Variants in SHCBP1L observed in about 807,000 individuals in gnomAD.
SHCBP1L encodes testicular spindle-associated protein SHCBP1L.
In SHCBP1L, 67 loss-of-function variants were observed where a neutral mutation model predicts 62.5. The observed-to-expected ratio is 1.07, with a 90% CI of 0.88 to 1.31. The LOEUF (loss-of-function observed/expected upper bound fraction) is 1.31, where lower values mean the gene tolerates loss of function less well. SHCBP1L is among the 40% of genes most tolerant of loss of function. SHCBP1L has a pLI of 0.00. For synonymous variants in SHCBP1L, 284 were observed against 289.4 expected, an observed-to-expected ratio of 0.98 and a Z score of 0.19; for missense variants, 823 against 809.8, an observed-to-expected ratio of 1.02 and a Z score of -0.20.
chr1:182,943,275 A>ATTTT (rs767553592), intron 2 of SHCBP1L, among the ~76,000 whole-genome samples: 1 of 79,092 alleles, frequency 1.3e-5, no homozygotes, highest in African/African-American at 5.0e-5. Context: ...ACCATTCTTG[A>ATTTT]TTTTTTTTTT....
At chr1:182,900,666 C>T (rs982961004) in intron 9 of SHCBP1L, among the ~76,000 whole-genome samples, 30 of 152,124 alleles carry the variant, frequency 2.0e-4, no homozygotes, top group African/African-American at 7.0e-4. Context: ...CTCCTGACCT[C>T]GTGATCCACC....
intron 9 of SHCBP1L, among the ~76,000 whole-genome samples, chr1:182,900,679 C>G (rs1649805852): frequency 6.6e-6 from 1 of 152,186 alleles, no homozygotes; most frequent in Admixed American, 6.5e-5. Context: ...GATCCACCCG[C>G]CTTGGCTTCC....
intron 6 of SHCBP1L, among the ~76,000 whole-genome samples, chr1:182,910,157 A>G (rs1443816556): frequency 6.6e-6 from 1 of 152,224 alleles, no homozygotes; most frequent in East Asian, 1.9e-4. Context: ...ACTGAAGCAA[A>G]CATTAAGTTG....
At chr1:182,944,153 T>TAAATAAATAAATAAATAAATAAATAAAA (rs1211471779) in intron 2 of SHCBP1L, among the ~76,000 whole-genome samples, 24 of 147,742 alleles carry the variant, frequency 1.6e-4, no homozygotes, top group African/African-American at 6.0e-4. Context: ...AATAAATAAA[T>TAAATAAATAAATAAATAAATAAATAAAA]AAAAGAGGCC....
chr1:182,943,817 T>G (rs1651458646), intron 2 of SHCBP1L, among the ~76,000 whole-genome samples: 1 of 151,528 alleles, frequency 6.6e-6, no homozygotes, highest in Admixed American at 6.6e-5. Context: ...GTACCAGGTT[T>G]GTTATGAAAA....
chr1:182,921,239 G>A (rs934989721), intron 6 of SHCBP1L, among the ~76,000 whole-genome samples: 1 of 152,122 alleles, frequency 6.6e-6, no homozygotes, highest in African/African-American at 2.4e-5. Flanking sequence ...TTAAAGAAAA[G>A]AAACTCCAAC....
At chr1:182,933,424 G>GA (rs1187530143) in intron 5 of SHCBP1L, among the ~76,000 whole-genome samples, 2 of 152,224 alleles carry the variant, frequency 1.3e-5, no homozygotes, top group East Asian at 3.9e-4. Flanking sequence ...ATTGTAGGGG[G>GA]AAAAACATCT....
chr1:182,924,958 G>GAAAGAAAGAAAGA (rs1650682335), intron 6 of SHCBP1L, among the ~76,000 whole-genome samples: 3 of 111,988 alleles, frequency 2.7e-5, no homozygotes, highest in Non-Finnish European at 5.2e-5. Context: ...AAGAAAGAAA[G>GAAAGAAAGAAAGA]AAAGAAAGAA....
At chr1:182,951,786 A>G (rs1289507143) in intron 1 of SHCBP1L, 2 of 220,082 alleles carry the variant, frequency 9.1e-6, no homozygotes, top group Non-Finnish European at 1.8e-5. Context: ...TTCTTCTGCT[A>G]CAACTTAAAA....
intron 5 of SHCBP1L, 140 bp downstream of exon 5, chr1:182,939,036 G>T (rs1651266936): frequency 1.6e-6 from 1 of 632,494 alleles, no homozygotes; most frequent in Non-Finnish European, 2.6e-6. Flanking sequence ...ACTGATAGTT[G>T]TACCTTGTGC....
At chr1:182,910,578 A>G (rs981296852) in intron 6 of SHCBP1L, among the ~76,000 whole-genome samples, 2 of 152,170 alleles carry the variant, frequency 1.3e-5, no homozygotes, top group African/African-American at 4.8e-5. Context: ...TCCTCAGACG[A>G]GGGGCTGAAG....
chr1:182,932,618 C>T (rs937184877), intron 5 of SHCBP1L, among the ~76,000 whole-genome samples: 8 of 152,088 alleles, frequency 5.3e-5, no homozygotes, highest in African/African-American at 1.7e-4. Flanking sequence ...CCTCAGCCTC[C>T]CAAGTAGCTG....
chr1:182,900,054 G>A lies in SHCBP1L; in HGVS notation c.1891C>T (p.Leu631=). The A allele has an allele frequency of 6.2e-7, 1 of 1,613,142 alleles. No homozygotes were observed. The highest frequency in any genetic ancestry group is 8.5e-7 in the Non-Finnish European group (1 of 1,179,504). The part of the protein sequence containing the change: ...DKMLFKVMQN[L]NLEMNNNKIE... ...TTATTATTATTCATTTCCAGATTCA[G>A]ATTTTGCATTACTTTGAAGAGCATT... The change falls in exon 10 of 10, where the codon CTG becomes TTG. Residue 631 remains leucine (L), a synonymous_variant. Coordinates refer to ENST00000367547, the MANE Select transcript of SHCBP1L (RefSeq NM_030933.4).
At chr1:182,931,376 T>A (rs1414526833) in intron 5 of SHCBP1L, among the ~76,000 whole-genome samples, 1 of 152,196 alleles carries the variant, frequency 6.6e-6, no homozygotes, top group Non-Finnish European at 1.5e-5. Context: ...AGGTGTTTTT[T>A]AATCAGGTTT....
chr1:182,944,419 A>G (rs988588925), intron 2 of SHCBP1L: 3 of 151,846 alleles, frequency 2.0e-5, no homozygotes, highest in African/African-American at 7.3e-5. Context: ...CCAAGCACTA[A>G]CCAGGCCCGA....
In SHCBP1L at chr1:182,916,617, C is replaced by T. The variant is rs564875770; in HGVS notation, c.1183-10968G>A. On this transcript the variant is annotated intron_variant, in intron 6 of 9. Coordinates refer to ENST00000367547, the MANE Select transcript of SHCBP1L (RefSeq NM_030933.4). ...ATGAACAATTGTACACCAACAAATG[C>T]ACTGATTTCATACCAACAAAAATTA... Among the ~76,000 whole-genome samples, 4 of 152,178 alleles carry T rather than the reference C, an allele frequency of 2.6e-5. No individual in the cohort carries two copies. In the East Asian group the frequency reaches 7.7e-4, roughly 29 times the overall value.
chr1:182,927,046 A>G (rs1284304139), intron 6 of SHCBP1L, among the ~76,000 whole-genome samples: 1 of 114,282 alleles, frequency 8.8e-6, no homozygotes, highest in African/African-American at 3.2e-5. Flanking sequence ...GCTCTTAACT[A>G]GCACTATATA....
At chr1:182,951,848 T>A in intron 1 of SHCBP1L, 1 of 317,070 alleles carries the variant, frequency 3.2e-6, no homozygotes, top group South Asian at 2.3e-5. Context: ...ATCAGATATG[T>A]ATTTTCTATA....
At chr1:182,922,786 T>C (rs1238291132) in intron 6 of SHCBP1L, among the ~76,000 whole-genome samples, 2 of 152,020 alleles carry the variant, frequency 1.3e-5, no homozygotes, top group Non-Finnish European at 2.9e-5. Context: ...TGCTAATCGC[T>C]CACATCAAAA....
Sources: gnomAD v4.1 joint callset for allele counts (sites outside exome capture counted in the v4.1 genomes callset) on GRCh38, gnomAD v4.1.1 for gene constraint, MANE v1.5 for transcripts, NCBI Gene and HGNC (gene_info 2026-07-23, HGNC 2026-07-21) for gene names.